Variants in TENM1 observed in about 807,000 individuals in gnomAD.
TENM1 encodes teneurin transmembrane protein 1.
TENM1 carries 35 observed loss-of-function variants against 174.8 expected under a neutral mutation model. The ratio of observed to expected loss-of-function variants is 0.20; its 90% CI spans 0.15 to 0.27. TENM1 has a LOEUF of 0.27. Ranked by LOEUF, TENM1 falls within the 10% of genes least tolerant of loss-of-function variation. The probability of loss-of-function intolerance (pLI) is 1.00; values close to 1 mark genes in which losing one functional copy is unlikely to be tolerated. For missense variants in TENM1, 1,633 were observed against 2,130.1 expected (o/e 0.77, Z 4.59); for synonymous variants, 781 against 798.7 (o/e 0.98, Z 0.37).
At chrX:124,757,541 C>CCCGG (rs2054293131) in intron 3 of TENM1, among the ~76,000 whole-genome samples, 1 of 112,524 alleles carries the variant, frequency 8.9e-6, no homozygotes, top group Non-Finnish European at 1.9e-5. Flanking sequence ...GTGAGATGAA[C>CCCGG]CCGGTACCTC....
intron 5 of TENM1, among the ~76,000 whole-genome samples, chrX:124,673,335 T>C (rs1001648571): frequency 4.5e-5 from 5 of 112,290 alleles, no homozygotes; most frequent in Non-Finnish European, 7.5e-5. Flanking sequence ...GCCACACTTA[T>C]ACATTTGGAT....
intron 11 of TENM1, among the ~76,000 whole-genome samples, chrX:124,573,011 A>G (rs761128132): frequency 8.1e-5 from 9 of 111,587 alleles, no homozygotes; most frequent in Admixed American, 2.9e-4. Context: ...CCTAAAATCT[A>G]TATGAAACAG....
intron 15 of TENM1, among the ~76,000 whole-genome samples, chrX:124,541,861 G>C (rs1397148616): frequency 8.9e-6 from 1 of 112,287 alleles, no homozygotes; most frequent in African/African-American, 3.2e-5. Context: ...TTGACCAACT[G>C]TGTATGACAC....
rs772923867 is a variant in TENM1 at position 124,670,699 on chromosome X, A to AC, written c.1168+983dup. Among the ~76,000 whole-genome samples the AC allele has an allele frequency of 1.8e-3, 193 of 109,681 alleles. 1 individual carries two copies. Among genetic ancestry groups the AC allele is most frequent in the African/African-American group, 5.9e-3 (177 of 30,139 alleles). ...CAAGAGGAAACAAAACCCACAAACA[A>AC]CCCCCCCGCCACCACGAAAGGAATT... On this transcript the variant is annotated intron_variant, in intron 6 of 31. Coordinates refer to ENST00000422452, the Ensembl canonical transcript of TENM1.
the TENM1 span, among the ~76,000 whole-genome samples, chrX:124,990,277 C>G: frequency 9.0e-6 from 1 of 111,273 alleles, no homozygotes; most frequent in Non-Finnish European, 1.9e-5. Context: ...GCACTGCAAA[C>G]AAACATTTCA....
chrX:124,687,863 CAT>C (rs1426672657), intron 5 of TENM1, among the ~76,000 whole-genome samples: 2 of 112,509 alleles, frequency 1.8e-5, no homozygotes, highest in African/African-American at 6.5e-5. Context: ...ATGTCAGACT[CAT>C]AGAAGCAGAG....
intron 25 of TENM1, among the ~76,000 whole-genome samples, chrX:124,411,380 G>C (rs1391741400): frequency 9.0e-6 from 1 of 110,891 alleles, no homozygotes; most frequent in Non-Finnish European, 1.9e-5. Flanking sequence ...TGTGTTTTCT[G>C]GTGAAGGAGG....
intron 3 of TENM1, among the ~76,000 whole-genome samples, chrX:124,861,103 C>T (rs750149634): frequency 3.6e-5 from 4 of 112,052 alleles, no homozygotes; most frequent in Non-Finnish European, 7.5e-5. Flanking sequence ...TACAAATGAG[C>T]AAACAGTATC....
At chrX:125,114,222 A>G in the TENM1 span, among the ~76,000 whole-genome samples, 4 of 111,907 alleles carry the variant, frequency 3.6e-5, no homozygotes, top group Non-Finnish European at 7.5e-5. Flanking sequence ...ATGAGAACAA[A>G]GACATAACGT....
Position 124,807,916 on chromosome X carries a change from C to CACACACACAA in TENM1, c.536-70720_536-70719insTTGTGTGTGT, listed in dbSNP as rs746369843. On this transcript the variant is annotated intron_variant, in intron 3 of 31. Coordinates refer to ENST00000422452, the Ensembl canonical transcript of TENM1. ...ACACACACACACACACACACACACACACAGAGGAAGGAAGGTACCAAAGAA... is the reference window on the plus strand; with the variant it reads ...ACACACACACACACACACACACACACACACACACAAACAGAGGAAGGAAGGTACCAAAGAA... Among the ~76,000 whole-genome samples, 132 of 106,907 alleles carry CACACACACAA rather than the reference C, an allele frequency of 1.2e-3. 1 individual carries two copies. The highest frequency in any genetic ancestry group is 3.5e-3 in the African/African-American group (101 of 28,861). The allele number at this position is 106,907 out of a possible 115,157, so 92.8% of individuals were successfully genotyped here.
chrX:124,892,778 C>A (rs1209677188), intron 3 of TENM1, among the ~76,000 whole-genome samples: 2 of 111,928 alleles, frequency 1.8e-5, no homozygotes, highest in Non-Finnish European at 3.8e-5. Context: ...AACAAAATGT[C>A]ATTAACATTA....
upstream of TENM1, among the ~76,000 whole-genome samples, chrX:124,964,582 A>G (rs1163672623): frequency 3.6e-5 from 4 of 111,506 alleles, no homozygotes; most frequent in Non-Finnish European, 7.5e-5. Context: ...TCCCCATAGA[A>G]TGCTGAGCTA....
the TENM1 span, among the ~76,000 whole-genome samples, chrX:125,043,493 T>C: frequency 1.3e-5 from 1 of 74,608 alleles, no homozygotes; most frequent in Non-Finnish European, 2.5e-5. Flanking sequence ...AGAATGGCAA[T>C]CATTAAAAAG....
the TENM1 span, among the ~76,000 whole-genome samples, chrX:125,092,183 T>A: frequency 9.1e-6 from 1 of 110,357 alleles, no homozygotes. Flanking sequence ...AAAGCACACA[T>A]CAAAATGAAA....
At chrX:125,100,528 G>A in the TENM1 span, among the ~76,000 whole-genome samples, 1 of 111,958 alleles carries the variant, frequency 8.9e-6, no homozygotes, top group African/African-American at 3.3e-5. Context: ...AATACCATTG[G>A]GTGCCTTAAT....
At chrX:124,653,861 C>A in intron 6 of TENM1, 78 bp from the exon 10 acceptor site, 1 of 859,768 alleles carries the variant, frequency 1.2e-6, no homozygotes, top group Non-Finnish European at 1.7e-6. Flanking sequence ...TTTTCAAGAA[C>A]AGATATATCA....
chrX:124,550,612 A>AT (rs397778843), intron 14 of TENM1, among the ~76,000 whole-genome samples: 2 of 72 alleles, frequency 0.028, no homozygotes, highest in Non-Finnish European at 0.056. Context: ...TCACACATTC[A>AT]CATCATCATC....
In TENM1 at chrX:124,471,366, C is replaced by A. The variant is rs62650795; in HGVS notation, c.3949+10366G>T. ...ATAATATATATTATAATATATAGTA[C>A]TATATATTATAATATATAGTACTAT... On this transcript the variant is annotated intron_variant, in intron 22 of 31. Coordinates refer to ENST00000422452, the Ensembl canonical transcript of TENM1. 1.6e-4 allele frequency among the ~76,000 whole-genome samples: 5 copies of A among 31,355 alleles called. 1 individual carries two copies. Among genetic ancestry groups the A allele is most frequent in the Admixed American group, 6.3e-4 (1 of 1,584 alleles). The allele number at this position is 31,355 out of a possible 115,157, so 27.2% of individuals were successfully genotyped here. A position where few individuals can be genotyped will look rare whatever the true frequency, so the allele number is the denominator to read the frequency against.
At chrX:124,797,345 T>A (rs769009424) in intron 3 of TENM1, among the ~76,000 whole-genome samples, 2 of 111,770 alleles carry the variant, frequency 1.8e-5, no homozygotes, top group Non-Finnish European at 3.8e-5. Context: ...ACATAGTTCC[T>A]TGGGGCTGCC....
Sources: gnomAD v4.1 joint callset for allele counts (sites outside exome capture counted in the v4.1 genomes callset) on GRCh38, gnomAD v4.1.1 for gene constraint, MANE v1.5 for transcripts, NCBI Gene and HGNC (gene_info 2026-07-23, HGNC 2026-07-21) for gene names.